Variants in RBP2 observed in about 807,000 individuals in gnomAD.
The protein encoded by RBP2 is retinol binding protein 2.
In RBP2, 17 loss-of-function variants were observed where a neutral mutation model predicts 17.0. That is an observed-to-expected ratio of 1.00 (90% CI 0.68 to 1.50). The LOEUF (loss-of-function observed/expected upper bound fraction) is 1.50. Ranked by LOEUF, RBP2 falls within the 40% of genes most tolerant of loss-of-function variation. The pLI, the probability that RBP2 is intolerant of heterozygous loss-of-function variation, is 0.00. For synonymous variants in RBP2, 48 were observed against 57.1 expected (o/e 0.84, Z 0.72); for missense variants, 158 against 168.2 (o/e 0.94, Z 0.33).
chr3:139,470,527 A>G (rs1190570578), intron 1 of RBP2, among the ~76,000 whole-genome samples: 1 of 151,734 alleles, frequency 6.6e-6, no homozygotes, highest in Non-Finnish European at 1.5e-5. Flanking sequence ...AAAGAATACA[A>G]AGAGGATTAA....
At chr3:139,470,161 C>A (rs1047708176) in intron 1 of RBP2, among the ~76,000 whole-genome samples, 3 of 152,132 alleles carry the variant, frequency 2.0e-5, no homozygotes, top group African/African-American at 7.2e-5. Flanking sequence ...ATGCATGCTC[C>A]CCCGCCACCC....
chr3:139,469,687 G>GTTTA (rs1553722515), intron 1 of RBP2, among the ~76,000 whole-genome samples: 6 of 132,868 alleles, frequency 4.5e-5, no homozygotes, highest in Non-Finnish European at 8.0e-5. Context: ...CTGTCTGTCT[G>GTTTA]TCTATCTATC....
intron 2 of RBP2, among the ~76,000 whole-genome samples, chr3:139,459,400 A>ATGTGTGTGTGTG (rs57107462): frequency 0.018 from 2,318 of 128,522 alleles, 42 homozygotes; most frequent in African/African-American, 0.039. Context: ...TACTATATAT[A>ATGTGTGTGTGTG]TGTGTGTGTG....
At chr3:139,465,215 T>C (rs1053605969) in intron 1 of RBP2, among the ~76,000 whole-genome samples, 1 of 152,112 alleles carries the variant, frequency 6.6e-6, no homozygotes, top group Non-Finnish European at 1.5e-5. Flanking sequence ...TGGGGATACA[T>C]AGTGAACTGA....
chr3:139,472,054 C>T (rs996640970), intron 1 of RBP2, among the ~76,000 whole-genome samples: 5 of 152,270 alleles, frequency 3.3e-5, no homozygotes, highest in Non-Finnish European at 7.4e-5. Flanking sequence ...TTCTGGTGTC[C>T]CAGGCCCATG....
intron 2 of RBP2, among the ~76,000 whole-genome samples, chr3:139,455,463 A>C (rs1943379440): frequency 6.6e-6 from 1 of 152,178 alleles, no homozygotes; most frequent in Non-Finnish European, 1.5e-5. Flanking sequence ...TTGATAATAC[A>C]CTGAATTGGA....
chr3:139,461,677 C>T (rs1933195598), intron 2 of RBP2, among the ~76,000 whole-genome samples: 1 of 152,136 alleles, frequency 6.6e-6, no homozygotes, highest in Non-Finnish European at 1.5e-5. Context: ...TATATAAAAA[C>T]ATCTGATTTC....
At chr3:139,463,767 T>C (rs1559806249) in intron 1 of RBP2, among the ~76,000 whole-genome samples, 1 of 152,236 alleles carries the variant, frequency 6.6e-6, no homozygotes, top group Non-Finnish European at 1.5e-5. Flanking sequence ...TGATTCCCAT[T>C]ATGCCTGTAA....
In RBP2 at chr3:139,462,347, C is replaced by T. The variant is rs551676266; in HGVS notation, c.74-57G>A. The T allele has an allele frequency of 1.8e-3, 2,742 of 1,548,258 alleles. 3 individuals carry two copies. Among genetic ancestry groups the T allele is most frequent in the Non-Finnish European group, 2.1e-3 (2,394 of 1,124,606 alleles). On this transcript the variant is annotated intron_variant, in intron 1 of 3. Coordinates refer to ENST00000232217, the MANE Select transcript of RBP2 (RefSeq NM_004164.3). The stretch of plus-strand genomic sequence containing the variant: ...TGTGCTCAGCCAGACTCATTCATTT[C>T]GTTAACAAGACCAAACATTCAAGAC...
intron 1 of RBP2, among the ~76,000 whole-genome samples, chr3:139,469,104 C>T (rs1933462304): frequency 6.6e-6 from 1 of 152,144 alleles, no homozygotes; most frequent in Non-Finnish European, 1.5e-5. Context: ...AGCAGAGAGG[C>T]ACAAGTATTC....
In RBP2 at chr3:139,468,082, A is replaced by T. The variant is rs114761258; in HGVS notation, c.74-5792T>A. Among the ~76,000 whole-genome samples, 674 of 152,340 alleles carry T rather than the reference A, an allele frequency of 4.4e-3. 7 individuals are homozygous for T. Among genetic ancestry groups the T allele is most frequent in the African/African-American group, 0.016 (656 of 41,568 alleles). Reference sequence around the variant, plus strand: ...AGGTCATCTGTTAACCATAACCAGAAGAAACAGGGGAAGGCTCTAGGTAAA... The same window carrying T: ...AGGTCATCTGTTAACCATAACCAGATGAAACAGGGGAAGGCTCTAGGTAAA... On this transcript the variant is annotated intron_variant, in intron 1 of 3. Transcript: ENST00000232217.
intron 1 of RBP2, among the ~76,000 whole-genome samples, chr3:139,463,609 T>C (rs1185107739): frequency 6.6e-6 from 1 of 152,252 alleles, no homozygotes; most frequent in East Asian, 1.9e-4. Flanking sequence ...AGCAAACCCC[T>C]AGTTAAGCAT....
chr3:139,464,128 T>A (rs1933283404), intron 1 of RBP2, among the ~76,000 whole-genome samples: 1 of 152,164 alleles, frequency 6.6e-6, no homozygotes, highest in African/African-American at 2.4e-5. Context: ...CTTCCCTTAC[T>A]CTCTCCCCAT....
At chr3:139,463,704 T>C (rs1177343795) in intron 1 of RBP2, among the ~76,000 whole-genome samples, 1 of 152,220 alleles carries the variant, frequency 6.6e-6, no homozygotes, top group Non-Finnish European at 1.5e-5. Flanking sequence ...TGAAAATACT[T>C]GAATTTCTTT....
intron 2 of RBP2, among the ~76,000 whole-genome samples, chr3:139,455,593 T>C (rs1943381142): frequency 1.3e-5 from 2 of 152,216 alleles, no homozygotes; most frequent in Admixed American, 1.3e-4. Flanking sequence ...GCATGTACTT[T>C]CTGACCTAGA....
At chr3:139,462,076 A>G (rs1287390137) in intron 2 of RBP2, 36 bp downstream of exon 2, 18 of 1,580,900 alleles carry the variant, frequency 1.1e-5, no homozygotes, top group Non-Finnish European at 1.5e-5. Flanking sequence ...CCTGGCACAG[A>G]ATGTGTGAAT....
intron 1 of RBP2, among the ~76,000 whole-genome samples, chr3:139,469,074 G>T (rs1933461510): frequency 6.6e-6 from 1 of 152,142 alleles, no homozygotes; most frequent in South Asian, 2.1e-4. Context: ...AAAAGGGCAG[G>T]TGCTCTTTGT....
chr3:139,474,148 G>A (rs764686461), intron 1 of RBP2, among the ~76,000 whole-genome samples: 2 of 152,214 alleles, frequency 1.3e-5, no homozygotes, highest in African/African-American at 4.8e-5. Context: ...TGATGCCAAG[G>A]AGCATTAGGA....
At chr3:139,455,729 CCTT>C (rs1943382636) in intron 2 of RBP2, among the ~76,000 whole-genome samples, 1 of 152,028 alleles carries the variant, frequency 6.6e-6, no homozygotes, top group Non-Finnish European at 1.5e-5. Context: ...CCAGTACCTG[CCTT>C]CTTATCCAGA....
Sources: allele counts gnomAD v4.1 joint callset (sites outside exome capture counted in the v4.1 genomes callset), GRCh38; gene constraint gnomAD v4.1.1; transcripts MANE v1.5; gene names NCBI Gene and HGNC (gene_info 2026-07-23, HGNC 2026-07-21).